The following CAMTA1 variants were observed in gnomAD, a reference collection of about 807,000 sequenced individuals.
CAMTA1 encodes the protein calmodulin binding transcription activator 1, also known as calmodulin-binding transcription activator 1.
Under a neutral mutation model 170.9 loss-of-function variants are expected in CAMTA1, and 27 were observed. The ratio of observed to expected loss-of-function variants is 0.16; its 90% CI spans 0.12 to 0.22. The LOEUF is 0.22. Ranked by LOEUF, CAMTA1 falls within the 10% of genes least tolerant of loss-of-function variation. The pLI is 1.00. For missense variants in CAMTA1, 1,619 were observed against 2,217.2 expected (o/e 0.73, Z 5.42); for synonymous variants, 833 against 891.5 (o/e 0.93, Z 1.17).
At chr1:7,318,841 C>G (rs1006548240) in intron 5 of CAMTA1, among the ~76,000 whole-genome samples, 1 of 152,202 alleles carries the variant, frequency 6.6e-6, no homozygotes, top group Non-Finnish European at 1.5e-5. Context: ...GGAACATGCA[C>G]GTGCCTCTGG....
Position 7,014,454 on chromosome 1 carries a change from G to A in CAMTA1, c.235-76850G>A, listed in dbSNP as rs1318455588. Among the ~76,000 whole-genome samples the A allele has an allele frequency of 2.0e-5, 3 of 152,142 alleles. No individual in the cohort carries two copies. Among genetic ancestry groups the A allele is most frequent in the African/African-American group, 7.2e-5 (3 of 41,430 alleles). ...GGGGATCCCAGCGCCCACTACAAAG[G>A]TGAACTCCTTTTTGCTCCCTGCCCC... On this transcript the variant is annotated intron_variant, in intron 3 of 22. Transcript: ENST00000303635. This position sits in a 1 kb window ranked among gnomAD's most constrained non-coding sequence, Gnocchi z 4.2.
chr1:7,553,478 G>C (rs535354625), intron 6 of CAMTA1, among the ~76,000 whole-genome samples: 6 of 152,354 alleles, frequency 3.9e-5, no homozygotes, highest in African/African-American at 1.4e-4. Context: ...GGCTCCCCTG[G>C]AGGGAGCTCA....
intron 6 of CAMTA1, among the ~76,000 whole-genome samples, chr1:7,535,025 G>A (rs556728507): frequency 6.6e-6 from 1 of 152,138 alleles, no homozygotes; most frequent in Admixed American, 6.5e-5. Flanking sequence ...CCAAAAAAGG[G>A]GAGTCAAGGG....
At chr1:7,368,414 G>A (rs556831351) in intron 5 of CAMTA1, among the ~76,000 whole-genome samples, 1 of 151,890 alleles carries the variant, frequency 6.6e-6, no homozygotes, top group South Asian at 2.1e-4. Context: ...CTTTCATTGG[G>A]CGCAGGCACT....
intron 5 of CAMTA1, among the ~76,000 whole-genome samples, chr1:7,355,695 A>C (rs965972943): frequency 6.6e-6 from 1 of 152,218 alleles, no homozygotes; most frequent in East Asian, 1.9e-4. Flanking sequence ...AGTGGCTTCT[A>C]TTGTGGCTGG....
In CAMTA1 at chr1:6,801,359, G is replaced by A. The variant is rs537117512; in HGVS notation, c.45+15784G>A. On this transcript the variant is annotated intron_variant, in intron 1 of 22. Transcript: ENST00000303635. ...AGTATTTTTAGTCTCTTTAGCTTCT[G>A]TGGCCATGTCTGGAGGAACTGAGGA... Among the ~76,000 whole-genome samples the A allele has an allele frequency of 8.5e-5, 13 of 152,218 alleles. No homozygotes were observed. The East Asian group carries it at 2.5e-3, about 29-fold the overall frequency.
At chr1:7,589,018 G>A (rs749990206) in intron 6 of CAMTA1, among the ~76,000 whole-genome samples, 1 of 152,192 alleles carries the variant, frequency 6.6e-6, no homozygotes, top group Non-Finnish European at 1.5e-5. Context: ...CCAGAAAACC[G>A]ACTCCCTTTC....
At chr1:7,668,964 G>A (rs886070915) in intron 9 of CAMTA1, among the ~76,000 whole-genome samples, 4 of 152,100 alleles carry the variant, frequency 2.6e-5, no homozygotes, top group African/African-American at 9.7e-5. Flanking sequence ...GGCTCCACCT[G>A]TCCGCCGGCA....
chr1:7,449,689 G>A (rs2092768643), intron 5 of CAMTA1, among the ~76,000 whole-genome samples: 1 of 145,348 alleles, frequency 6.9e-6, no homozygotes, highest in African/African-American at 2.5e-5. Flanking sequence ...AGAATCACTT[G>A]AACCTGGGAG....
At chr1:7,343,908 C>T (rs2084026077) in intron 5 of CAMTA1, among the ~76,000 whole-genome samples, 1 of 152,154 alleles carries the variant, frequency 6.6e-6, no homozygotes, top group Non-Finnish European at 1.5e-5. Context: ...GTAATATTCC[C>T]CCGTGGGTCT....
intron 3 of CAMTA1, among the ~76,000 whole-genome samples, chr1:6,850,362 C>CA (rs1170603322): frequency 6.6e-6 from 1 of 152,014 alleles, no homozygotes; most frequent in Non-Finnish European, 1.5e-5. Context: ...AATGATCTAT[C>CA]AAAAAAATGA....
intron 3 of CAMTA1, among the ~76,000 whole-genome samples, chr1:6,954,673 G>A (rs1047599983): frequency 6.6e-6 from 1 of 152,216 alleles, no homozygotes; most frequent in Non-Finnish European, 1.5e-5. Context: ...GACAGGCTCT[G>A]AGCTCGGGGG....
At chr1:7,217,431 T>A (rs968448888) in intron 4 of CAMTA1, among the ~76,000 whole-genome samples, 2 of 152,220 alleles carry the variant, frequency 1.3e-5, no homozygotes, top group Admixed American at 6.5e-5. Flanking sequence ...AGTATGCCTC[T>A]TATATATAAC....
At chr1:7,474,152 A>T (rs12077204) in intron 6 of CAMTA1, among the ~76,000 whole-genome samples, 8,520 of 126,764 alleles carry the variant, frequency 0.067, 24 homozygotes, top group Middle Eastern at 0.12. Flanking sequence ...GCTGTGTGAC[A>T]CTGGGCAGTT....
At chr1:7,280,672 A>G (rs538656118) in intron 5 of CAMTA1, among the ~76,000 whole-genome samples, 2 of 152,362 alleles carry the variant, frequency 1.3e-5, no homozygotes, top group East Asian at 1.9e-4. Flanking sequence ...AATAGCACAA[A>G]TGAAACCAAC....
intron 5 of CAMTA1, among the ~76,000 whole-genome samples, chr1:7,424,287 C>A (rs1229808136): frequency 2.0e-5 from 3 of 152,108 alleles, no homozygotes; most frequent in Admixed American, 2.0e-4. Context: ...TAAAAGAAAC[C>A]AAATTAGAGG....
chr1:7,014,961 A>G lies in CAMTA1; in HGVS notation c.235-76343A>G, dbSNP rs1213268279. Among the ~76,000 whole-genome samples the G allele has an allele frequency of 6.6e-6, 1 of 152,118 alleles. No homozygotes were observed. Among genetic ancestry groups the G allele is most frequent in the Admixed American group, 6.5e-5 (1 of 15,280 alleles). On this transcript the variant is annotated intron_variant, in intron 3 of 22. Transcript: ENST00000303635. The surrounding 1 kb of genome is among the most constrained non-coding windows in gnomAD (Gnocchi z 4.2). ...TGACTCAAAAACCACAAGCTAAATG[A>G]TCTGTACATTGTCCTCCAACTCTGA... is the stretch of plus-strand genomic sequence containing the variant.
At chr1:6,910,323 C>T (rs974363093) in intron 3 of CAMTA1, among the ~76,000 whole-genome samples, 5 of 152,232 alleles carry the variant, frequency 3.3e-5, no homozygotes, top group African/African-American at 1.2e-4. Context: ...AGTCTCAAAA[C>T]ACCAGTATGG....
intron 4 of CAMTA1, among the ~76,000 whole-genome samples, chr1:7,120,163 C>T (rs576603397): frequency 6.6e-6 from 1 of 152,324 alleles, no homozygotes; most frequent in Admixed American, 6.5e-5. Context: ...TAACAAATTA[C>T]CCCACACTGA....
Sources: allele counts gnomAD v4.1 joint callset (sites outside exome capture counted in the v4.1 genomes callset), GRCh38; gene constraint gnomAD v4.1.1; non-coding constraint Gnocchi (gnomAD v3.1); transcripts MANE v1.5; gene names NCBI Gene and HGNC (gene_info 2026-07-23, HGNC 2026-07-21).